Variants in PHLPP1 observed in about 807,000 individuals in gnomAD.
The protein encoded by PHLPP1 is PH domain and leucine rich repeat protein phosphatase 1.
Under a neutral mutation model 117.2 loss-of-function variants are expected in PHLPP1, and 42 were observed. The observed-to-expected ratio is 0.36, with a 90% CI of 0.28 to 0.46. The LOEUF (loss-of-function observed/expected upper bound fraction) is 0.46. PHLPP1 is among the 20% of genes least tolerant of loss of function. The pLI, the probability that PHLPP1 is intolerant of heterozygous loss-of-function variation, is 1.00. For synonymous variants in PHLPP1, 1,042 were observed against 970.7 expected (o/e 1.07, Z -1.37); for missense variants, 2,084 against 2,241.9 (o/e 0.93, Z 1.42).
chr18:62,829,766 GA>G (rs2144331042), intron 1 of PHLPP1, among the ~76,000 whole-genome samples: 1 of 152,104 alleles, frequency 6.6e-6, no homozygotes, highest in African/African-American at 2.4e-5. Flanking sequence ...AAAAAGAAAA[GA>G]AACCTCTAGT....
In PHLPP1 at chr18:62,842,116, C is replaced by T. The variant is rs148253398; in HGVS notation, c.1899+3207C>T. On this transcript the variant is annotated intron_variant, in intron 3 of 16. Transcript: ENST00000262719. ...GCACATAGTAAGTGAGTAGAACTAACTAACTCAATAAAATAATTTTATGAT... is the reference window on the plus strand; with the variant it reads ...GCACATAGTAAGTGAGTAGAACTAATTAACTCAATAAAATAATTTTATGAT... 2.4e-3 allele frequency among the ~76,000 whole-genome samples: 371 copies of T among 152,226 alleles called. 2 individuals carry two copies. The highest frequency in any genetic ancestry group is 0.021 in the East Asian group (108 of 5,182).
chr18:62,915,752 G>C (rs1053627727), intron 9 of PHLPP1, among the ~76,000 whole-genome samples: 1 of 152,204 alleles, frequency 6.6e-6, no homozygotes, highest in African/African-American at 2.4e-5. Context: ...GAAGTGCTCT[G>C]CATCTGTGCT....
intron 10 of PHLPP1, among the ~76,000 whole-genome samples, chr18:62,937,184 T>C (rs1364736046): frequency 6.6e-6 from 1 of 152,090 alleles, no homozygotes; most frequent in African/African-American, 2.4e-5. Flanking sequence ...AAACAAAAAA[T>C]ATATAGATGA....
chr18:62,761,192 G>A (rs1912216392), intron 1 of PHLPP1, among the ~76,000 whole-genome samples: 1 of 152,060 alleles, frequency 6.6e-6, no homozygotes, highest in South Asian at 2.1e-4. Context: ...TAACAATGCT[G>A]CATATGTGCA....
At chr18:62,961,914 T>C (rs1441065627) in intron 13 of PHLPP1, among the ~76,000 whole-genome samples, 2 of 152,224 alleles carry the variant, frequency 1.3e-5, no homozygotes, top group Non-Finnish European at 2.9e-5. Flanking sequence ...ATCAGTTATT[T>C]CTAGTTACAA....
At position 62,848,021 on chromosome 18, in the gene PHLPP1, G is replaced by A. The variant is rs1045557043; in HGVS notation, c.1899+9112G>A. On this transcript the variant is annotated intron_variant, in intron 3 of 16. Coordinates refer to ENST00000262719, the MANE Select transcript of PHLPP1 (RefSeq NM_194449.4). ...TCTGCTCCTTAGCAGTCTATTTTCAGCAGAAGTATCCCTGGCAATTCCAAC... is the reference window on the plus strand; with the variant it reads ...TCTGCTCCTTAGCAGTCTATTTTCAACAGAAGTATCCCTGGCAATTCCAAC... Among the ~76,000 whole-genome samples the A allele has an allele frequency of 2.6e-5, 4 of 152,212 alleles. No individual in the cohort carries two copies. In the South Asian group the frequency reaches 8.3e-4, roughly 31 times the overall value.
chr18:62,750,312 C>T (rs1911805297), intron 1 of PHLPP1, among the ~76,000 whole-genome samples: 1 of 152,176 alleles, frequency 6.6e-6, no homozygotes, highest in African/African-American at 2.4e-5. Context: ...TTCATGTCCT[C>T]ATGAGGCTTT....
At chr18:62,952,109 C>T (rs979357844) in intron 12 of PHLPP1, among the ~76,000 whole-genome samples, 8 of 151,888 alleles carry the variant, frequency 5.3e-5, no homozygotes, top group African/African-American at 9.7e-5. Context: ...TGAGCCACCG[C>T]GCCCGGCCAT....
intron 4 of PHLPP1, among the ~76,000 whole-genome samples, chr18:62,868,250 C>A (rs1017153362): frequency 1.3e-5 from 2 of 152,046 alleles, no homozygotes; most frequent in African/African-American, 4.8e-5. Flanking sequence ...CAGATTATAC[C>A]GTCATCCTTT....
rs550089197 is a variant in PHLPP1 at position 62,896,473 on chromosome 18, T to C, written c.2444+462T>C. ...TGCCTGGCTAATTTTTTTGTATTTT[T>C]AGTAGAGACGAAGTTTCACTGTGTT... On this transcript the variant is annotated intron_variant, in intron 6 of 16. Transcript: ENST00000262719. Among the ~76,000 whole-genome samples, 3 of 152,162 alleles carry C rather than the reference T, an allele frequency of 2.0e-5. No homozygotes were observed. The East Asian group carries it at 5.8e-4, about 29-fold the overall frequency.
At chr18:62,946,791 C>T (rs1000067789) in intron 12 of PHLPP1, among the ~76,000 whole-genome samples, 2 of 152,114 alleles carry the variant, frequency 1.3e-5, no homozygotes, top group Non-Finnish European at 1.5e-5. Context: ...CGGTGGCTCA[C>T]GCCGGTAATC....
At chr18:62,871,794 G>A (rs577391937) in intron 4 of PHLPP1, among the ~76,000 whole-genome samples, 1 of 151,594 alleles carries the variant, frequency 6.6e-6, no homozygotes, top group Non-Finnish European at 1.5e-5. Flanking sequence ...ACAGGCACGC[G>A]CCACCACGCC....
chr18:62,730,670 A>G (rs184934991), intron 1 of PHLPP1, among the ~76,000 whole-genome samples: 332 of 152,088 alleles, frequency 2.2e-3, no homozygotes, highest in African/African-American at 7.8e-3. Flanking sequence ...AAAAATACAA[A>G]AAAATCAGCT....
At chr18:62,956,752 A>T (rs913946436) in intron 12 of PHLPP1, among the ~76,000 whole-genome samples, 1 of 152,206 alleles carries the variant, frequency 6.6e-6, no homozygotes, top group South Asian at 2.1e-4. Context: ...ATAATAAAAT[A>T]TGATTATTTA....
chr18:62,875,768 T>TC (rs1373459426), intron 4 of PHLPP1, among the ~76,000 whole-genome samples: 1 of 151,826 alleles, frequency 6.6e-6, no homozygotes, highest in Admixed American at 6.6e-5. Flanking sequence ...CACTCTATCC[T>TC]CCCCCCGAGG....
intron 1 of PHLPP1, among the ~76,000 whole-genome samples, chr18:62,765,777 C>T (rs1912452921): frequency 6.6e-6 from 1 of 151,842 alleles, no homozygotes; most frequent in East Asian, 1.9e-4. Context: ...GGGTGGATCA[C>T]GAGGTCAGGA....
At chr18:62,871,637 T>A (rs1351656032) in intron 4 of PHLPP1, among the ~76,000 whole-genome samples, 1 of 147,624 alleles carries the variant, frequency 6.8e-6, no homozygotes, top group Non-Finnish European at 1.5e-5. Flanking sequence ...CAAATTTAGC[T>A]CTGAAAATTT....
In PHLPP1 at chr18:62,737,656, A is replaced by G. The variant is rs1911408688; in HGVS notation, c.1576+20397A>G. Among the ~76,000 whole-genome samples the G allele has an allele frequency of 2.6e-5, 4 of 152,278 alleles. 1 individual carries two copies. In the South Asian group the frequency reaches 8.3e-4, roughly 32 times the overall value. On this transcript the variant is annotated intron_variant, in intron 1 of 16. Coordinates refer to ENST00000262719, the MANE Select transcript of PHLPP1 (RefSeq NM_194449.4). ...GGAATGTGCTGCTTGTGAGGTTTGT[A>G]CAAGGTATTTGTCATTCCAAAAAGG...
At chr18:62,912,812 G>T (rs1342086096) in intron 8 of PHLPP1, among the ~76,000 whole-genome samples, 1 of 152,044 alleles carries the variant, frequency 6.6e-6, no homozygotes, top group African/African-American at 2.4e-5. Context: ...GTAGAGATGG[G>T]GTTTCACCGT....
Sources: gnomAD v4.1 joint callset for allele counts (sites outside exome capture counted in the v4.1 genomes callset) on GRCh38, gnomAD v4.1.1 for gene constraint, MANE v1.5 for transcripts, NCBI Gene and HGNC (gene_info 2026-07-23, HGNC 2026-07-21) for gene names.